Variants in SLC43A3 observed in about 807,000 individuals in gnomAD.
SLC43A3 encodes the protein solute carrier family 43 member 3.
SLC43A3 carries 33 observed loss-of-function variants against 53.3 expected under a neutral mutation model. The ratio of observed to expected loss-of-function variants is 0.62; its 90% CI spans 0.47 to 0.83. The LOEUF (loss-of-function observed/expected upper bound fraction) is 0.83. Ranked by LOEUF, SLC43A3 falls within the 40% of genes least tolerant of loss-of-function variation. The pLI is 0.00. For missense variants in SLC43A3, 530 were observed against 610.0 expected (o/e 0.87, Z 1.38); for synonymous variants, 236 against 246.2 (o/e 0.96, Z 0.39).
intron 5 of SLC43A3, among the ~76,000 whole-genome samples, chr11:57,423,363 A>G (rs527597216): frequency 6.6e-6 from 1 of 152,336 alleles, no homozygotes; most frequent in East Asian, 1.9e-4. Context: ...CATTAAAAAG[A>G]GAAAGAGAAC....
intron 5 of SLC43A3, chr11:57,423,779 T>A: frequency 1.8e-6 from 1 of 550,868 alleles, no homozygotes. Context: ...TCCCTCTCCA[T>A]CATCCTTGCT....
chr11:57,426,273 A>G lies in SLC43A3; in HGVS notation c.-101T>C. On this transcript the variant is annotated 5_prime_UTR_variant, in exon 3 of 14. Coordinates refer to ENST00000395124, the MANE Select transcript of SLC43A3 (RefSeq NM_199329.3). ...TGAGCACTTGGAAAATTCCTCTGGC[A>G]AGCCAAGCCCTTCCTTTCCCGTAGC... The G allele has an allele frequency of 8.6e-7, 1 of 1,156,072 alleles. No homozygotes were observed. Among genetic ancestry groups the G allele is most frequent in the Middle Eastern group, 2.9e-4 (1 of 3,436 alleles). 71.6% of individuals were successfully genotyped at this position (1,156,072 alleles called of 1,614,324 possible).
intron 3 of SLC43A3, 43 bp downstream of exon 3, chr11:57,425,946 G>A (rs369660891): frequency 9.5e-6 from 15 of 1,586,334 alleles, no homozygotes; most frequent in Non-Finnish European, 1.2e-5. Flanking sequence ...CACCACGTGG[G>A]AGCCAGACTT....
At chr11:57,412,244 T>C (rs976033067) in intron 11 of SLC43A3, among the ~76,000 whole-genome samples, 1 of 152,214 alleles carries the variant, frequency 6.6e-6, no homozygotes, top group Non-Finnish European at 1.5e-5. Flanking sequence ...AAGACACAGA[T>C]TCTGGGCTGG....
chr11:57,410,067 G>C lies in SLC43A3; in HGVS notation c.1115C>G (p.Thr372Arg), dbSNP rs1237428074. Reference protein sequence around the residue: ...LCSTVPSLALTSLLCLGFALC... With the variant: ...LCSTVPSLALRSLLCLGFALC... The stretch of plus-strand genomic sequence containing the variant: ...GGCGAAGCCCAGGCACAGCAGGGAT[G>C]TCAGGGCCAGCGAAGGCACCGTCGA... Residue 372 changes from threonine (T) to arginine (R), a missense_variant, in exon 12 of 14, where the codon ACA becomes AGA. Transcript: ENST00000395124. 1 of 1,612,150 alleles carries C rather than the reference G, an allele frequency of 6.2e-7. No homozygotes were observed. The highest frequency in any genetic ancestry group is 8.5e-7 in the Non-Finnish European group (1 of 1,179,396).
At position 57,421,361 on chromosome 11, in the gene SLC43A3, A is replaced by T; in HGVS notation, c.374T>A (p.Leu125Gln). 1 of 1,613,886 alleles carries T rather than the reference A, an allele frequency of 6.2e-7. No individual in the cohort carries two copies. Among genetic ancestry groups the T allele is most frequent in the African/African-American group, 1.3e-5 (1 of 75,052 alleles). The change falls in exon 6 of 14, where the codon CTG (leucine) becomes CAG (glutamine). Residue 125 changes from leucine to glutamine, a missense_variant. This residue lies in a region of SLC43A3 where 376 missense variants were observed against 386.7 expected (regional missense o/e 0.97). Transcript: ENST00000395124. ...IAFTSAGSAV[L>Q]LFLAMPMLTI... ...GAGCATTGGCATGGCCAGGAAGAGC[A>T]GCACGGCTGAGCCTGGACCATCAAA...
chr11:57,423,250 G>A (rs992593573), intron 5 of SLC43A3, among the ~76,000 whole-genome samples: 5 of 152,196 alleles, frequency 3.3e-5, no homozygotes, highest in Non-Finnish European at 5.9e-5. Flanking sequence ...AGACTTAACA[G>A]ACTGGTGAAA....
intron 2 of SLC43A3, 40 bp from the exon 3 acceptor site, chr11:57,426,392 G>A (rs1252796897): frequency 1.8e-6 from 1 of 569,382 alleles, no homozygotes; most frequent in Non-Finnish European, 3.1e-6. Context: ...GAGGAGGCCT[G>A]CGGGAAAGGG....
chr11:57,426,247 T>G lies in SLC43A3; in HGVS notation c.-75A>C. On this transcript the variant is annotated 5_prime_UTR_variant, in exon 3 of 14. Transcript: ENST00000395124. ...ATCACAGGCGCCGTAAGCCTGGCGT[T>G]TGAGCACTTGGAAAATTCCTCTGGC... 6.9e-7 allele frequency: 1 copy of G among 1,445,784 alleles called. No individual in the cohort carries two copies. Among genetic ancestry groups the G allele is most frequent in the South Asian group, 1.2e-5 (1 of 81,686 alleles). The allele number at this position is 1,445,784 out of a possible 1,614,324, so 89.6% of individuals were successfully genotyped here.
intron 4 of SLC43A3, among the ~76,000 whole-genome samples, chr11:57,424,353 G>A (rs990614497): frequency 6.6e-5 from 10 of 152,212 alleles, no homozygotes; most frequent in Admixed American, 3.3e-4. Flanking sequence ...GCAAAGCGAA[G>A]GTCCTCCCAC....
At chr11:57,424,906 C>T (rs1943143049) in intron 4 of SLC43A3, among the ~76,000 whole-genome samples, 2 of 152,224 alleles carry the variant, frequency 1.3e-5, no homozygotes, top group African/African-American at 4.8e-5. Context: ...CTGAGCCTGG[C>T]CACAGAGCAC....
chr11:57,409,916 C>G lies in SLC43A3; in HGVS notation c.1247+19G>C. 1 of 1,593,736 alleles carries G rather than the reference C, an allele frequency of 6.3e-7. No homozygotes were observed. The highest frequency in any genetic ancestry group is 8.5e-7 in the Non-Finnish European group (1 of 1,170,142). On this transcript the variant is annotated intron_variant, in intron 12 of 13. Transcript: ENST00000395124. ...CCCAGTGTGTCCGTCTCCACAGAGC[C>G]CGCCCCAAGGCCACTTACGCAAGGG...
chr11:57,419,733 T>C (rs536640459), intron 7 of SLC43A3, among the ~76,000 whole-genome samples: 138 of 151,076 alleles, frequency 9.1e-4, no homozygotes, highest in African/African-American at 3.1e-3. Context: ...TAGGCAGAGA[T>C]TGCAGTGAGC....
chr11:57,408,157 C>T, intron 13 of SLC43A3: 1 of 378,292 alleles, frequency 2.6e-6, no homozygotes, highest in Non-Finnish European at 4.9e-6. Context: ...AGCGAGCATT[C>T]AATGACATGT....
chr11:57,410,245 G>A, intron 11 of SLC43A3, 124 bp from the exon 12 acceptor site: 2 of 732,976 alleles, frequency 2.7e-6, no homozygotes, highest in South Asian at 2.4e-5. Context: ...ACAGAAACCT[G>A]GGAGTCATCC....
At chr11:57,411,833 T>G (rs1942489639) in intron 11 of SLC43A3, among the ~76,000 whole-genome samples, 1 of 152,156 alleles carries the variant, frequency 6.6e-6, no homozygotes, top group South Asian at 2.1e-4. Flanking sequence ...AAACCAGTAA[T>G]TATATTTAAA....
intron 9 of SLC43A3, among the ~76,000 whole-genome samples, chr11:57,416,103 T>C (rs959086988): frequency 3.9e-5 from 6 of 152,158 alleles, no homozygotes; most frequent in Non-Finnish European, 7.3e-5. Context: ...TCCCATCTCC[T>C]CTCCCACCCC....
intron 7 of SLC43A3, among the ~76,000 whole-genome samples, 159 bp downstream of exon 7, chr11:57,420,813 C>A (rs967850797): frequency 1.6e-4 from 25 of 152,226 alleles, no homozygotes; most frequent in African/African-American, 4.1e-4. Context: ...GAACCTTCAA[C>A]AAGCTTTTTA....
At chr11:57,419,054 C>G (rs1246537024) in intron 7 of SLC43A3, among the ~76,000 whole-genome samples, 1 of 152,156 alleles carries the variant, frequency 6.6e-6, no homozygotes, top group Non-Finnish European at 1.5e-5. Flanking sequence ...CTGGTACACA[C>G]ATGCCCCCAC....
Sources: allele counts gnomAD v4.1 joint callset (sites outside exome capture counted in the v4.1 genomes callset), GRCh38; gene constraint gnomAD v4.1.1; regional missense constraint gnomAD v4.1.1; transcripts MANE v1.5; gene names NCBI Gene and HGNC (gene_info 2026-07-23, HGNC 2026-07-21).